Variants in CNBD1 observed in about 807,000 individuals in gnomAD.
The protein encoded by CNBD1 is cyclic nucleotide-binding domain-containing protein 1.
CNBD1 carries 71 observed loss-of-function variants against 54.4 expected under a neutral mutation model. The observed-to-expected ratio is 1.30, with a 90% CI of 1.08 to 1.59. The LOEUF (loss-of-function observed/expected upper bound fraction) is 1.59, where lower values mean the gene tolerates loss of function less well. Among genes scored for constraint, CNBD1 ranks in the 40% most tolerant of loss-of-function variants. The pLI is 0.00. For missense variants in CNBD1, 659 were observed against 518.0 expected, an observed-to-expected ratio of 1.27 and a Z score of -2.64; for synonymous variants, 182 against 170.7, an observed-to-expected ratio of 1.07 and a Z score of -0.51.
chr8:87,392,918 A>G (rs1321741132), intron 2 of CNBD1, among the ~76,000 whole-genome samples: 1 of 151,978 alleles, frequency 6.6e-6, no homozygotes, highest in East Asian at 1.9e-4. Context: ...TAGATGCATC[A>G]GGGTAAACAA....
At chr8:87,044,839 G>A (rs960081620) in intron 4 of CNBD1, among the ~76,000 whole-genome samples, 3 of 152,100 alleles carry the variant, frequency 2.0e-5, no homozygotes, top group Non-Finnish European at 2.9e-5. Context: ...GCTTCTATGC[G>A]GGACCTTGGC....
At chr8:86,887,123 T>C (rs1244208658) in intron 1 of CNBD1, among the ~76,000 whole-genome samples, 4 of 152,052 alleles carry the variant, frequency 2.6e-5, no homozygotes, top group Non-Finnish European at 5.9e-5. Context: ...CCGACATAAG[T>C]AGGATTGAAT....
intron 10 of CNBD1, among the ~76,000 whole-genome samples, chr8:87,370,362 T>G (rs1810752331): frequency 6.6e-6 from 1 of 152,194 alleles, no homozygotes; most frequent in Non-Finnish European, 1.5e-5. Flanking sequence ...AAAGTGTTCC[T>G]ATTTCTCCAC....
chr8:87,131,379 A>G (rs1404344159), intron 4 of CNBD1, among the ~76,000 whole-genome samples: 1 of 152,070 alleles, frequency 6.6e-6, no homozygotes, highest in Non-Finnish European at 1.5e-5. Flanking sequence ...CAAGGCATAA[A>G]ATACACATTT....
At chr8:87,329,219 G>T (rs1198072589) in intron 8 of CNBD1, among the ~76,000 whole-genome samples, 1 of 152,070 alleles carries the variant, frequency 6.6e-6, no homozygotes. Flanking sequence ...AGGATCAGTT[G>T]ACTATTTTTA....
chr8:87,312,321 G>A (rs1172922635), intron 8 of CNBD1, among the ~76,000 whole-genome samples: 1 of 152,022 alleles, frequency 6.6e-6, no homozygotes, highest in Non-Finnish European at 1.5e-5. Context: ...AGTTACATAT[G>A]CACACATTCT....
At chr8:87,385,752 C>T (rs897269796), downstream of CNBD1, among the ~76,000 whole-genome samples, 2 of 152,168 alleles carry the variant, frequency 1.3e-5, no homozygotes, top group Non-Finnish European at 2.9e-5. Context: ...CCCTGTCTGA[C>T]AGCTTTGAAG....
intron 6 of CNBD1, among the ~76,000 whole-genome samples, chr8:87,265,912 A>G (rs1046285416): frequency 8.5e-5 from 13 of 152,158 alleles, no homozygotes; most frequent in Admixed American, 3.9e-4. Context: ...TGATTTGGCA[A>G]TAAAACAAAA....
chr8:87,113,450 G>A (rs555873582), intron 4 of CNBD1, among the ~76,000 whole-genome samples: 2 of 152,316 alleles, frequency 1.3e-5, no homozygotes, highest in South Asian at 2.1e-4. Flanking sequence ...AAGGGTTTAA[G>A]CGAGGATGAA....
intron 8 of CNBD1, among the ~76,000 whole-genome samples, chr8:87,299,615 A>G (rs933850928): frequency 3.3e-5 from 5 of 152,186 alleles, no homozygotes; most frequent in African/African-American, 1.2e-4. Context: ...TGATAAGTTA[A>G]TTGGATTCCT....
At chr8:87,153,929 A>G (rs906721504) in intron 4 of CNBD1, among the ~76,000 whole-genome samples, 6 of 152,264 alleles carry the variant, frequency 3.9e-5, no homozygotes, top group East Asian at 3.9e-4. Context: ...AAAGAGGTAA[A>G]ATTATATGGG....
At chr8:87,155,867 A>G (rs1241049408) in intron 4 of CNBD1, among the ~76,000 whole-genome samples, 1 of 152,186 alleles carries the variant, frequency 6.6e-6, no homozygotes, top group Non-Finnish European at 1.5e-5. Flanking sequence ...AATACTTATT[A>G]CATGCCCACT....
At chr8:86,918,984 T>A (rs2131822648) in intron 3 of CNBD1, among the ~76,000 whole-genome samples, 1 of 152,012 alleles carries the variant, frequency 6.6e-6, no homozygotes, top group African/African-American at 2.4e-5. Flanking sequence ...TGTAAGAACA[T>A]GTGGTATTTG....
At chr8:87,116,592 A>T (rs554912287) in intron 4 of CNBD1, among the ~76,000 whole-genome samples, 4 of 152,198 alleles carry the variant, frequency 2.6e-5, no homozygotes, top group African/African-American at 7.2e-5. Flanking sequence ...TGATTTGGAT[A>T]TCTCACATAT....
At chr8:86,918,225 G>A (rs1403655016) in intron 3 of CNBD1, among the ~76,000 whole-genome samples, 1 of 151,902 alleles carries the variant, frequency 6.6e-6, no homozygotes. Flanking sequence ...ATTCTGTCAT[G>A]ACTTAAAAAA....
chr8:87,137,070 C>A lies in CNBD1; in HGVS notation c.432-68923C>A, dbSNP rs1442983198. ...AAATTATATATATTATATTTATATT[C>A]TATGTAAATTATATATATTTATATT... is the stretch of plus-strand genomic sequence containing the variant. On this transcript the variant is annotated intron_variant, in intron 4 of 10. Transcript: ENST00000518476. Among the ~76,000 whole-genome samples the A allele has an allele frequency of 2.0e-4, 23 of 112,548 alleles. 1 individual carries two copies. The highest frequency in any genetic ancestry group is 6.2e-4 in the African/African-American group (18 of 29,156). The allele number at this position is 112,548 out of a possible 152,430, so 73.8% of individuals were successfully genotyped here. A position where few individuals can be genotyped will look rare whatever the true frequency, so the allele number is the denominator to read the frequency against.
chr8:87,420,947 T>C (rs984652386), intron 2 of CNBD1, among the ~76,000 whole-genome samples: 2 of 152,076 alleles, frequency 1.3e-5, no homozygotes, highest in African/African-American at 4.8e-5. Context: ...AATATTGAAT[T>C]AAACTGATGA....
intron 4 of CNBD1, among the ~76,000 whole-genome samples, chr8:87,139,289 A>T (rs963241023): frequency 3.9e-5 from 6 of 152,216 alleles, no homozygotes; most frequent in Admixed American, 3.3e-4. Context: ...ATAGATAATA[A>T]ACTCTCATAG....
At chr8:87,297,144 G>C (rs534458768) in intron 8 of CNBD1, among the ~76,000 whole-genome samples, 53 of 131,510 alleles carry the variant, frequency 4.0e-4, no homozygotes, top group East Asian at 2.7e-3. Flanking sequence ...TGCCACTGCA[G>C]TCCAGCCTGG....
Sources: allele counts gnomAD v4.1 joint callset (sites outside exome capture counted in the v4.1 genomes callset), GRCh38; gene constraint gnomAD v4.1.1; transcripts MANE v1.5; gene names NCBI Gene and HGNC (gene_info 2026-07-23, HGNC 2026-07-21).